IQCM: variants seen among roughly 807,000 people sequenced by gnomAD.
The protein encoded by IQCM is IQ motif containing M, also known as IQ domain-containing protein M.
In IQCM, 45 loss-of-function variants were observed where a neutral mutation model predicts 57.6. The observed-to-expected ratio is 0.78, with a 90% CI of 0.62 to 1.00. The LOEUF (loss-of-function observed/expected upper bound fraction) is 1.00, where lower values mean the gene tolerates loss of function less well. Ranked by LOEUF, IQCM falls within the 50% of genes least tolerant of loss-of-function variation. IQCM has a pLI of 0.00. For synonymous variants in IQCM, 148 were observed against 158.9 expected, an observed-to-expected ratio of 0.93 and a Z score of 0.51; for missense variants, 468 against 511.6, an observed-to-expected ratio of 0.91 and a Z score of 0.82.
intron 2 of IQCM, among the ~76,000 whole-genome samples, chr4:149,800,236 G>A (rs1195916933): frequency 1.3e-5 from 2 of 151,660 alleles, no homozygotes; most frequent in African/African-American, 4.8e-5. Flanking sequence ...ACAGAATAAT[G>A]AATAAAAACC....
intron 5 of IQCM, among the ~76,000 whole-genome samples, chr4:149,717,535 A>G (rs1206381611): frequency 1.3e-5 from 2 of 152,216 alleles, no homozygotes; most frequent in South Asian, 4.1e-4. Context: ...ATAAATATAC[A>G]TCAATTTCAG....
At chr4:149,442,947 C>CAG (rs1275750099) in intron 12 of IQCM, among the ~76,000 whole-genome samples, 6 of 52,580 alleles carry the variant, frequency 1.1e-4, no homozygotes, top group African/African-American at 4.9e-4. Flanking sequence ...CACACACACA[C>CAG]ACACACAGAG....
At chr4:149,493,020 A>G (rs576964227) in intron 12 of IQCM, among the ~76,000 whole-genome samples, 36 of 152,122 alleles carry the variant, frequency 2.4e-4, no homozygotes, top group African/African-American at 8.7e-4. Context: ...CTACCTGAAC[A>G]TCAGGTGGTG....
At chr4:149,579,620 C>G (rs1229198145) in intron 9 of IQCM, among the ~76,000 whole-genome samples, 4 of 151,944 alleles carry the variant, frequency 2.6e-5, no homozygotes, top group East Asian at 1.9e-4. Flanking sequence ...GCATACAGCT[C>G]TCTTGGGCAG....
At chr4:149,660,875 T>G (rs1245208329) in intron 7 of IQCM, among the ~76,000 whole-genome samples, 4 of 151,938 alleles carry the variant, frequency 2.6e-5, no homozygotes, top group Non-Finnish European at 5.9e-5. Context: ...GAGATATACC[T>G]AATGCTAAAT....
Position 149,548,607 on chromosome 4 carries a change from T to A in IQCM, c.1094-18A>T, listed in dbSNP as rs1748694599. The stretch of plus-strand genomic sequence containing the variant: ...TTCATAGACTAAAAGGACAAAAATG[T>A]AAAAGAAAATATTTTTTTAAACAAT... On this transcript the variant is annotated intron_variant, in intron 11 of 13. Transcript: ENST00000636793. 1 of 1,163,542 alleles carries A rather than the reference T, an allele frequency of 8.6e-7. No individual in the cohort carries two copies. The allele number at this position is 1,163,542 out of a possible 1,614,324, so 72.1% of individuals were successfully genotyped here.
chr4:149,553,137 A>T lies in IQCM; in HGVS notation c.1093+6T>A. The T allele has an allele frequency of 1.6e-6, 2 of 1,231,922 alleles. No homozygotes were observed. Among genetic ancestry groups the T allele is most frequent in the Non-Finnish European group, 2.0e-6 (2 of 987,764 alleles). 76.3% of individuals were successfully genotyped at this position (1,231,922 alleles called of 1,614,324 possible). ...AATTCAAACCAGAAGTGTCTGCATC[A>T]CTTACATTTTTTTCGGTCCATCCAC... is the stretch of plus-strand genomic sequence containing the variant. On this transcript the variant is annotated splice_donor_region_variant and intron_variant, in intron 11 of 13. Coordinates refer to ENST00000636793, the MANE Select transcript of IQCM (RefSeq NM_001363507.2).
At chr4:149,391,573 A>C (rs1731859701) in intron 13 of IQCM, among the ~76,000 whole-genome samples, 1 of 151,856 alleles carries the variant, frequency 6.6e-6, no homozygotes, top group African/African-American at 2.4e-5. Context: ...TGGATTCATA[A>C]GGTAGAAAAT....
At chr4:149,448,961 C>A (rs2111386873) in intron 12 of IQCM, among the ~76,000 whole-genome samples, 1 of 151,510 alleles carries the variant, frequency 6.6e-6, no homozygotes, top group Non-Finnish European at 1.5e-5. Flanking sequence ...GGAATGTTTC[C>A]CAATTCATTA....
chr4:149,663,563 ATTATTTCTCCT>A (rs528059118), intron 7 of IQCM, among the ~76,000 whole-genome samples: 62 of 152,120 alleles, frequency 4.1e-4, no homozygotes, highest in Admixed American at 1.8e-3. Flanking sequence ...TGATAGGTAT[ATTATTTCTCCT>A]TTATTTCTAA....
intron 2 of IQCM, among the ~76,000 whole-genome samples, chr4:149,754,420 C>T (rs1279754372): frequency 1.3e-5 from 2 of 152,186 alleles, no homozygotes; most frequent in African/African-American, 4.8e-5. Context: ...ATTTCAAGAG[C>T]ACTAATTAAC....
At chr4:149,528,211 A>C (rs10020428) in intron 12 of IQCM, among the ~76,000 whole-genome samples, 147,994 of 152,054 alleles carry the variant, frequency 0.97, 72,123 homozygotes, top group East Asian at 1. Flanking sequence ...GTCTTGAACT[A>C]CTGACCTCAG....
chr4:149,406,146 T>C (rs1248421406), intron 13 of IQCM, among the ~76,000 whole-genome samples: 1 of 151,984 alleles, frequency 6.6e-6, no homozygotes, highest in Non-Finnish European at 1.5e-5. Context: ...AACATACGTG[T>C]TCTACCCTTA....
chr4:149,428,747 G>A (rs755666839), intron 13 of IQCM, among the ~76,000 whole-genome samples: 3 of 151,672 alleles, frequency 2.0e-5, no homozygotes, highest in African/African-American at 7.2e-5. Flanking sequence ...ACTGAATTGC[G>A]TAAAAAATAC....
chr4:149,469,849 C>T (rs540522901), intron 12 of IQCM, among the ~76,000 whole-genome samples: 2 of 152,260 alleles, frequency 1.3e-5, no homozygotes, highest in Admixed American at 1.3e-4. Context: ...ATTTTCAACC[C>T]AGAATTTCAT....
chr4:149,523,203 T>C (rs940563184), intron 12 of IQCM, among the ~76,000 whole-genome samples: 2 of 152,052 alleles, frequency 1.3e-5, no homozygotes, highest in African/African-American at 4.8e-5. Context: ...CCATCATGAC[T>C]CACCCTCACA....
chr4:149,800,261 AT>A (rs1773486375), intron 2 of IQCM, among the ~76,000 whole-genome samples: 1 of 151,982 alleles, frequency 6.6e-6, no homozygotes, highest in Admixed American at 6.6e-5. Flanking sequence ...GATCATTTCA[AT>A]TAACACCTAA....
intron 5 of IQCM, among the ~76,000 whole-genome samples, chr4:149,730,941 C>T (rs911043042): frequency 1.4e-4 from 21 of 152,178 alleles, no homozygotes; most frequent in African/African-American, 4.8e-4. Flanking sequence ...AATTTCAGTA[C>T]GGTAGTGATC....
At chr4:149,381,320 A>G (rs1560789310) in intron 13 of IQCM, among the ~76,000 whole-genome samples, 2 of 151,980 alleles carry the variant, frequency 1.3e-5, no homozygotes, top group East Asian at 3.9e-4. Context: ...TCTATTTTCT[A>G]CACAGCAGCC....
Sources: gnomAD v4.1 joint callset for allele counts (sites outside exome capture counted in the v4.1 genomes callset) on GRCh38, gnomAD v4.1.1 for gene constraint, MANE v1.5 for transcripts, NCBI Gene and HGNC (gene_info 2026-07-23, HGNC 2026-07-21) for gene names.